Variants in KIR2DL4 observed in about 807,000 individuals in gnomAD.
KIR2DL4 encodes the protein killer cell immunoglobulin like receptor, two Ig domains and long cytoplasmic tail 4, also known as killer cell immunoglobulin-like receptor 2DL4.
A neutral mutation model predicts 31.0 loss-of-function variants in KIR2DL4; 41 were observed. The ratio of observed to expected loss-of-function variants is 1.32; its 90% CI spans 1.03 to 1.72. KIR2DL4 has a LOEUF of 1.72. Among genes scored for constraint, KIR2DL4 ranks in the 40% most tolerant of loss-of-function variants. KIR2DL4 has a pLI of 0.00. For missense variants in KIR2DL4, 438 were observed against 353.7 expected (o/e 1.24, Z -1.91); for synonymous variants, 164 against 133.6 (o/e 1.23, Z -1.57).
At chr19:54,805,826 T>C (rs2060481561) in intron 3 of KIR2DL4, 125 bp from the exon 4 acceptor site, 1 of 746,502 alleles carries the variant, frequency 1.3e-6, no homozygotes, top group South Asian at 2.3e-5. Context: ...GAGTTGGGGG[T>C]GGAGGGTGAG....
At chr19:54,808,502 T>G (rs1299590389) in intron 4 of KIR2DL4, among the ~76,000 whole-genome samples, 2 of 150,542 alleles carry the variant, frequency 1.3e-5, no homozygotes, top group African/African-American at 2.5e-5. Context: ...CAAAGTCCAT[T>G]GGATGTAAAT....
chr19:54,807,303 G>A lies in KIR2DL4; in HGVS notation c.655+1059G>A, dbSNP rs1329767976. 1.5e-4 allele frequency among the ~76,000 whole-genome samples: 23 copies of A among 151,212 alleles called. 1 individual carries two copies. Among genetic ancestry groups the A allele is most frequent in the African/African-American group, 5.4e-4 (22 of 40,908 alleles). ...GCAGGTAGGTTGACTCCACATCTTG[G>A]CTACTGTGAACAGTGCTGGAACAGT... On this transcript the variant is annotated intron_variant, in intron 4 of 7. Transcript: ENST00000359085.
chr19:54,813,408 G>A, intron 6 of KIR2DL4: 1 of 856,768 alleles, frequency 1.2e-6, no homozygotes, highest in Middle Eastern at 3.5e-4. Flanking sequence ...ACAGACCGTT[G>A]CCTGATTGTG....
chr19:54,805,704 T>G lies in KIR2DL4; in HGVS notation c.362-247T>G, dbSNP rs1218548395. On this transcript the variant is annotated intron_variant, in intron 3 of 7. Transcript: ENST00000359085. ...CAGGAAACCAACACAGGAACCCAGGTGAAGGACAAGTTAAAAAACCAAACA... is the reference window on the plus strand; with the variant it reads ...CAGGAAACCAACACAGGAACCCAGGGGAAGGACAAGTTAAAAAACCAAACA... 1.3e-5 allele frequency among the ~76,000 whole-genome samples: 2 copies of G among 150,914 alleles called. 1 individual carries two copies. The highest frequency in any genetic ancestry group is 4.9e-5 in the African/African-American group (2 of 40,766).
intron 5 of KIR2DL4, among the ~76,000 whole-genome samples, chr19:54,810,275 C>T (rs1188396135): frequency 7.6e-5 from 11 of 144,086 alleles, no homozygotes; most frequent in African/African-American, 2.5e-4. Context: ...TGTCCCACCA[C>T]GCCTGGCTAA....
intron 5 of KIR2DL4, among the ~76,000 whole-genome samples, chr19:54,812,838 C>A (rs1397234228): frequency 7.2e-5 from 7 of 96,778 alleles, no homozygotes; most frequent in Admixed American, 2.2e-4. Context: ...CCCCCATGAC[C>A]AAAACACCCC....
At position 54,806,201 on chromosome 19, in the gene KIR2DL4, C is replaced by T. The variant is rs878977590; in HGVS notation, c.612C>T (p.Tyr204=). 63 of 1,610,656 alleles carry T rather than the reference C, an allele frequency of 3.9e-5. 1 individual carries two copies. Among genetic ancestry groups the T allele is most frequent in the African/African-American group, 5.4e-5 (4 of 73,742 alleles). Residue 204 remains tyrosine, a synonymous_variant, in exon 4 of 8, where the codon TAC becomes TAT. Coordinates refer to ENST00000359085, the Ensembl canonical transcript of KIR2DL4. The stretch of plus-strand genomic sequence containing the variant: ...TCGGCTCTTTCCATGGATCTCCCTA[C>T]GAGTGGTCAGACCCGAGTGACCCAC...
intron 4 of KIR2DL4, among the ~76,000 whole-genome samples, chr19:54,808,482 G>A (rs1464775538): frequency 3.3e-5 from 5 of 150,596 alleles, no homozygotes; most frequent in South Asian, 2.1e-4. Flanking sequence ...TAGATTCTTC[G>A]AACCTTTGTC....
chr19:54,807,827 C>G (rs2060618837), intron 4 of KIR2DL4, among the ~76,000 whole-genome samples: 1 of 149,022 alleles, frequency 6.7e-6, no homozygotes, highest in Admixed American at 6.7e-5. Context: ...TTAGGGTTCT[C>G]CTTTCTCCAC....
chr19:54,803,841 A>T (rs1245676157), intron 1 of KIR2DL4, 50 bp from the exon 2 acceptor site: 2 of 1,584,172 alleles, frequency 1.3e-6, no homozygotes, highest in Non-Finnish European at 1.7e-6. Context: ...TCAGGAGGAA[A>T]GGGTAGGTTG....
chr19:54,813,787 A>T, intron 7 of KIR2DL4, 45 bp downstream of exon 6: 1 of 1,611,468 alleles, frequency 6.2e-7, no homozygotes. Context: ...CTTATTCCGA[A>T]ATAGTCCTGA....
chr19:54,806,067 G>A lies in KIR2DL4; in HGVS notation c.478G>A (p.Glu160Lys). ...CTTTGACATCTACCATCTATCCAGG[G>A]AGGGGGAAGCCCATGAACTTAGGCT... Residue 160 changes from glutamate to lysine, a missense_variant, in exon 4 of 8, where the codon GAG becomes AAG. Transcript: ENST00000359085. 3.7e-6 allele frequency: 6 copies of A among 1,612,004 alleles called. 1 individual carries two copies. The highest frequency in any genetic ancestry group is 1.7e-6 in the Non-Finnish European group (2 of 1,179,576).
Position 54,810,766 on chromosome 19 carries a change from AACTGGGAATCCCT to A in KIR2DL4, c.706+1886_706+1898del, listed in dbSNP as rs1197021553. 3.3e-5 allele frequency among the ~76,000 whole-genome samples: 5 copies of A among 151,222 alleles called. 1 individual carries two copies. Among genetic ancestry groups the A allele is most frequent in the African/African-American group, 1.2e-4 (5 of 40,890 alleles). On this transcript the variant is annotated intron_variant, in intron 5 of 7. Transcript: ENST00000359085. The stretch of plus-strand genomic sequence containing the variant: ...CAGCCATTGGACTTACCTCGGGGCT[AACTGGGAATCCCT>A]ACATGATGAATAGTGACTGACATGA...
intron 5 of KIR2DL4, among the ~76,000 whole-genome samples, 194 bp downstream of exon 5, chr19:54,809,077 A>G (rs1181005714): frequency 2.0e-5 from 3 of 151,196 alleles, no homozygotes; most frequent in Non-Finnish European, 4.4e-5. Context: ...TTAATCTCTA[A>G]TTTTCTGCTG....
chr19:54,814,349 A>G, exon 8 of KIR2DL4: 2 of 543,094 alleles, frequency 3.7e-6, no homozygotes, highest in Non-Finnish European at 6.6e-6. Context: ...CCAAACATAC[A>G]AGAGGCTCTC....
At chr19:54,810,180 G>A (rs1242812382) in intron 5 of KIR2DL4, among the ~76,000 whole-genome samples, 1 of 150,022 alleles carries the variant, frequency 6.7e-6, no homozygotes, top group Non-Finnish European at 1.5e-5. Context: ...GTGCAGTGGC[G>A]GGATCTCGGC....
chr19:54,806,247 G>A lies in KIR2DL4; in HGVS notation c.655+3G>A, dbSNP rs2060522927. 2.5e-6 allele frequency: 4 copies of A among 1,608,730 alleles called. No individual in the cohort carries two copies. Among genetic ancestry groups the A allele is most frequent in the Non-Finnish European group, 3.4e-6 (4 of 1,178,144 alleles). On this transcript the variant is annotated splice_donor_region_variant and intron_variant, in intron 4 of 7. Coordinates refer to ENST00000359085, the Ensembl canonical transcript of KIR2DL4. ...CCCACTGCCTGTTTCTGTCACAGGT[G>A]AGGAAAGCCAATGTCTGTCCCATGT...
At chr19:54,813,377 C>A (rs660437) in intron 6 of KIR2DL4, 266,229 of 1,221,220 alleles carry the variant, frequency 0.22, 29,711 homozygotes, top group South Asian at 0.32. Flanking sequence ...GCACCAGACA[C>A]CCTGCCCCTG....
rs373034931 is a variant in KIR2DL4, at chr19:54,813,761, G to T, written c.*41+19G>T. On this transcript the variant is annotated intron_variant, in intron 7 of 7. Coordinates refer to ENST00000359085, the Ensembl canonical transcript of KIR2DL4. ...CAGGGAGGTAGGTCCTCCTAGCCCAGCCTCATGGATACAGTCTTATTCCGA... is the reference window on the plus strand; with the variant it reads ...CAGGGAGGTAGGTCCTCCTAGCCCATCCTCATGGATACAGTCTTATTCCGA... The T allele has an allele frequency of 2.7e-5, 43 of 1,611,378 alleles. No individual in the cohort carries two copies. The highest frequency in any genetic ancestry group is 3.3e-5 in the Non-Finnish European group (39 of 1,179,352).
Sources: allele counts gnomAD v4.1 joint callset (sites outside exome capture counted in the v4.1 genomes callset), GRCh38; gene constraint gnomAD v4.1.1; transcripts MANE v1.5; gene names NCBI Gene and HGNC (gene_info 2026-07-23, HGNC 2026-07-21).